USP6: variants seen among roughly 807,000 people sequenced by gnomAD.
USP6 encodes the protein ubiquitin specific peptidase 6.
A neutral mutation model predicts 175.7 loss-of-function variants in USP6; 128 were observed. The observed-to-expected ratio is 0.73, with a 90% confidence interval of 0.63 to 0.84. The LOEUF (loss-of-function observed/expected upper bound fraction) is 0.84, where lower values mean the gene tolerates loss of function less well. USP6 is among the 40% of genes least tolerant of loss of function. USP6 has a pLI of 0.00. For missense variants in USP6, 1,498 were observed against 1,760.3 expected (o/e 0.85, Z 2.67); for synonymous variants, 562 against 630.6 (o/e 0.89, Z 1.63).
chr17:5,164,663 A>G (rs1268944395), intron 33 of USP6, among the ~76,000 whole-genome samples: 1 of 152,250 alleles, frequency 6.6e-6, no homozygotes, highest in African/African-American at 2.4e-5. Context: ...CACTTAGGAT[A>G]CCATGGAAAC....
chr17:5,144,708 G>A lies in USP6; in HGVS notation c.1837G>A (p.Ala613Thr), dbSNP rs2073556618. The A allele has an allele frequency of 7.4e-6, 12 of 1,613,514 alleles. No individual in the cohort carries two copies. The highest frequency in any genetic ancestry group is 8.5e-6 in the Non-Finnish European group (10 of 1,179,748). Residue 613 changes from alanine to threonine, a missense_variant, in exon 26 of 38, where the codon GCT (alanine) becomes ACT (threonine). Ala to Thr is a moderately conservative substitution (Grantham distance 58). This residue lies in a region of USP6 where 1,217 missense variants were observed against 1,500.8 expected (regional missense o/e 0.81). Transcript: ENST00000574788. ...LKLRRTIAKYAPKFDGFQQQD... is the reference protein window; with the variant it reads ...LKLRRTIAKYTPKFDGFQQQD... The stretch of plus-strand genomic sequence containing the variant: ...TTTATAGCGGACCATAGCAAAATAT[G>A]CTCCCAAGTTTGATGGGTTTCAGCA...
intron 30 of USP6, among the ~76,000 whole-genome samples, chr17:5,152,143 G>A (rs911173710): frequency 6.6e-6 from 1 of 151,942 alleles, no homozygotes; most frequent in Admixed American, 6.6e-5. Flanking sequence ...TTGGGAGGCT[G>A]AGGCAGGAGA....
At chr17:5,158,599 G>T (rs113060305) in intron 31 of USP6, among the ~76,000 whole-genome samples, 1 of 138,024 alleles carries the variant, frequency 7.2e-6, no homozygotes, top group Non-Finnish European at 1.6e-5. Context: ...GAGAGAGAGA[G>T]AGAGAGGGAG....
At chr17:5,139,122 G>T in intron 21 of USP6, 133 bp from the exon 22 acceptor site, 4 of 1,597,190 alleles carry the variant, frequency 2.5e-6, no homozygotes, top group African/African-American at 1.3e-5. Context: ...GACTACAGGC[G>T]TGTCGTCAGT....
rs2143676014 is a variant in USP6 at position 5,116,510 on chromosome 17, G to GCCTGT, written c.-2155_-2151dup. On this transcript the variant is annotated 5_prime_UTR_variant, in exon 1 of 38. Transcript: ENST00000574788. ...AGCCGACGAAAGGGAAAAGGCCAGTGCCTGTCCGGGAAGAGCTCAGCCTAG... is the reference window on the plus strand; with the variant it reads ...AGCCGACGAAAGGGAAAAGGCCAGTGCCTGTCCTGTCCGGGAAGAGCTCAGCCTAG... The GCCTGT allele has an allele frequency of 6.6e-6, 1 of 152,486 alleles. No individual in the cohort carries two copies. The highest frequency in any genetic ancestry group is 2.4e-5 in the African/African-American group (1 of 41,586). 9.4% of individuals were successfully genotyped at this position (152,486 alleles called of 1,614,324 possible). A position where few individuals can be genotyped will look rare whatever the true frequency, so the allele number is the denominator to read the frequency against.
chr17:5,167,621 C>G (rs760906826), intron 33 of USP6, among the ~76,000 whole-genome samples: 61 of 152,088 alleles, frequency 4.0e-4, no homozygotes, highest in Non-Finnish European at 7.6e-4. Context: ...AAGCAATCCT[C>G]CTGAGTAGCT....
intron 33 of USP6, among the ~76,000 whole-genome samples, chr17:5,166,744 G>A (rs949027104): frequency 6.6e-6 from 1 of 152,134 alleles, no homozygotes; most frequent in Middle Eastern, 3.4e-3. Context: ...TTGATTGTTT[G>A]TCAGGTAGCA....
intron 30 of USP6, among the ~76,000 whole-genome samples, chr17:5,154,799 G>A (rs756788980): frequency 1.1e-4 from 17 of 151,468 alleles, no homozygotes; most frequent in Middle Eastern, 3.2e-3. Flanking sequence ...GTAGTGGCAC[G>A]ATCACAGATC....
Position 5,168,808 on chromosome 17 carries a change from G to A in USP6, c.3270G>A (p.Trp1090Ter), listed in dbSNP as rs144225958. 6.2e-7 allele frequency: 1 copy of A among 1,609,020 alleles called. No homozygotes were observed. Among genetic ancestry groups the A allele is most frequent in the South Asian group, 1.1e-5 (1 of 90,146 alleles). ...LKRFQFVNDQWIKSQKIVRFL... is the reference protein window; with the variant it reads ...LKRFQFVNDQ ...GATTTCAATTTGTAAATGATCAGTG[G>A]ATAAAATCACAGAAAATTGTCAGAT... The change falls in exon 35 of 38, where the codon TGG becomes TGA. Residue 1090 changes from tryptophan (W) to a stop codon, truncating the protein, a stop_gained. Coordinates refer to ENST00000574788, the MANE Select transcript of USP6 (RefSeq NM_001304284.2). LOFTEE classifies it high-confidence loss of function.
At position 5,132,897 on chromosome 17, in the gene USP6, C is replaced by G. The variant is rs764093587; in HGVS notation, c.196-13C>G. On this transcript the variant is annotated splice_polypyrimidine_tract_variant and intron_variant, in intron 12 of 37. Coordinates refer to ENST00000574788, the MANE Select transcript of USP6 (RefSeq NM_001304284.2). The surrounding 1 kb of genome is among the most constrained non-coding windows in gnomAD (Gnocchi z 4.7). ...TGGCAGCTCCACTAACTCCAACATG[C>G]CTCATTTGACAGAAAATTCGGCGGG... The G allele has an allele frequency of 6.2e-7, 1 of 1,614,090 alleles. No individual in the cohort carries two copies. Among genetic ancestry groups the G allele is most frequent in the South Asian group, 1.1e-5 (1 of 91,080 alleles).
At chr17:5,150,381 T>C (rs2073735843) in intron 30 of USP6, among the ~76,000 whole-genome samples, 1 of 151,548 alleles carries the variant, frequency 6.6e-6, no homozygotes, top group Admixed American at 6.6e-5. Flanking sequence ...AGTAAATTGA[T>C]TGTATAGCAG....
At chr17:5,128,037 G>C (rs1038036434) in intron 7 of USP6, among the ~76,000 whole-genome samples, 1 of 152,248 alleles carries the variant, frequency 6.6e-6, no homozygotes, top group African/African-American at 2.4e-5. Flanking sequence ...GGGAGCAGGT[G>C]TTGATCAGGG....
intron 33 of USP6, among the ~76,000 whole-genome samples, chr17:5,167,486 T>G (rs897019502): frequency 1.6e-4 from 24 of 152,216 alleles, no homozygotes; most frequent in African/African-American, 5.5e-4. Context: ...GTGTTGTATT[T>G]GCTCGGACTC....
At chr17:5,123,905 G>GCACACACACACACGCACACACACACA (rs1567769821) in intron 4 of USP6, among the ~76,000 whole-genome samples, 7 of 141,504 alleles carry the variant, frequency 4.9e-5, no homozygotes, top group African/African-American at 1.9e-4. Context: ...ACGCACGTGC[G>GCACACACACACACGCACACACACACA]CACACACACA....
At chr17:5,159,418 CT>C (rs2144106396) in intron 31 of USP6, among the ~76,000 whole-genome samples, 1 of 152,180 alleles carries the variant, frequency 6.6e-6, no homozygotes, top group Non-Finnish European at 1.5e-5. Flanking sequence ...TGCATTGATG[CT>C]GATGTCACCA....
rs2144203783 is a variant in USP6, at chr17:5,172,731, C to T, written c.4048-74C>T. The T allele has an allele frequency of 3.2e-6, 5 of 1,580,728 alleles. No homozygotes were observed. The South Asian group carries it at 5.9e-5, about 19-fold the overall frequency. On this transcript the variant is annotated intron_variant, in intron 37 of 37. Coordinates refer to ENST00000574788, the MANE Select transcript of USP6 (RefSeq NM_001304284.2). ...AGGTTAGTAATTACAGAGGGTTGGT[C>T]TTCCCTTTCCTGGCAAGGATTTAGA...
rs111747362 is a variant in USP6, at chr17:5,135,084, A to G, written c.495-150A>G. The G allele has an allele frequency of 4.6e-6, 4 of 869,730 alleles. No individual in the cohort carries two copies. The Admixed American group carries it at 5.6e-5, about 12-fold the overall frequency. 53.9% of individuals were successfully genotyped at this position (869,730 alleles called of 1,614,324 possible). On this transcript the variant is annotated intron_variant, in intron 15 of 37. Transcript: ENST00000574788. The stretch of plus-strand genomic sequence containing the variant: ...TCACAGATGTGGATTTTACTGAAAC[A>G]TTTCTTCAACAGTCTCAGGCCCTGA...
intron 30 of USP6, among the ~76,000 whole-genome samples, chr17:5,154,609 A>C (rs933659213): frequency 1.3e-5 from 2 of 152,234 alleles, no homozygotes; most frequent in African/African-American, 4.8e-5. Flanking sequence ...GCTTGTTACA[A>C]AATAGAATTA....
rs1453243463 is a variant in USP6, at chr17:5,116,201, G to C, written c.-2467G>C. Among the ~76,000 whole-genome samples the C allele has an allele frequency of 6.6e-6, 1 of 152,194 alleles. No homozygotes were observed. Among genetic ancestry groups the C allele is most frequent in the Non-Finnish European group, 1.5e-5 (1 of 68,024 alleles). On this transcript the variant is annotated 5_prime_UTR_variant, in exon 1 of 38. Transcript: ENST00000574788. ...CCAACTAGCAGTCAGGAGGGGCCGCGGGCAGCGCTCGAGACGCTCATTGAG... is the reference window on the plus strand; with the variant it reads ...CCAACTAGCAGTCAGGAGGGGCCGCCGGCAGCGCTCGAGACGCTCATTGAG...
Sources: gnomAD v4.1 joint callset for allele counts (sites outside exome capture counted in the v4.1 genomes callset) on GRCh38, gnomAD v4.1.1 for gene constraint, gnomAD v4.1.1 regional missense constraint, Gnocchi (gnomAD v3.1) non-coding constraint, MANE v1.5 for transcripts, NCBI Gene and HGNC (gene_info 2026-07-23, HGNC 2026-07-21) for gene names.